OR2L13: variants seen among roughly 807,000 people sequenced by gnomAD.
OR2L13 encodes olfactory receptor family 2 subfamily L member 13, also known as olfactory receptor 2L13.
Under a neutral mutation model 15.3 loss-of-function variants are expected in OR2L13, and 14 were observed. The ratio of observed to expected loss-of-function variants is 0.91; its 90% CI spans 0.60 to 1.43. The LOEUF is 1.43. OR2L13 is among the 40% of genes most tolerant of loss of function. The probability of loss-of-function intolerance (pLI) is 0.00; values close to 1 mark genes in which losing one functional copy is unlikely to be tolerated. For missense variants in OR2L13, 367 were observed against 387.9 expected (o/e 0.95, Z 0.45); for synonymous variants, 152 against 142.9 (o/e 1.06, Z -0.45).
chr1:248,022,849 C>G, the OR2L13 span: 132 of 1,612,252 alleles, frequency 8.2e-5, no homozygotes, highest in Middle Eastern at 5.0e-4. Flanking sequence ...GGGGCCCTGA[C>G]ACGAGTGATT....
At chr1:248,078,759 C>G in the OR2L13 span, among the ~76,000 whole-genome samples, 2 of 151,838 alleles carry the variant, frequency 1.3e-5, no homozygotes, top group Admixed American at 6.6e-5. Flanking sequence ...AACTTTGGTA[C>G]AATTAGACAC....
chr1:248,004,029 T>C, the OR2L13 span: 6 of 1,612,578 alleles, frequency 3.7e-6, no homozygotes, highest in Non-Finnish European at 5.1e-6. Context: ...ATGGGGGCCC[T>C]GACACGAGTG....
At chr1:248,005,731 A>T in the OR2L13 span, among the ~76,000 whole-genome samples, 8 of 152,256 alleles carry the variant, frequency 5.3e-5, no homozygotes, top group Admixed American at 4.6e-4. Flanking sequence ...TGTACAAATC[A>T]TTCTAGTGTT....
At chr1:248,013,704 G>T in the OR2L13 span, 1 of 152,058 alleles carries the variant, frequency 6.6e-6, no homozygotes, top group Non-Finnish European at 1.5e-5. Flanking sequence ...GCCAACAAAG[G>T]CAGTGCGTGT....
At chr1:248,082,556 G>A in the OR2L13 span, among the ~76,000 whole-genome samples, 1 of 152,030 alleles carries the variant, frequency 6.6e-6, no homozygotes, top group African/African-American at 2.4e-5. Context: ...AGGAAATATA[G>A]CCTTTATCAT....
the OR2L13 span, among the ~76,000 whole-genome samples, chr1:247,956,956 C>A: frequency 6.6e-6 from 1 of 152,122 alleles, no homozygotes; most frequent in Non-Finnish European, 1.5e-5. Context: ...TGCCTGATTG[C>A]CCTGGCCAGA....
chr1:247,943,824 ATT>A, the OR2L13 span, among the ~76,000 whole-genome samples: 1 of 152,012 alleles, frequency 6.6e-6, no homozygotes, highest in Non-Finnish European at 1.5e-5. Flanking sequence ...TTTCTCTTAC[ATT>A]TAGATTTTTG....
At chr1:248,011,489 T>C in the OR2L13 span, among the ~76,000 whole-genome samples, 1 of 152,132 alleles carries the variant, frequency 6.6e-6, no homozygotes, top group African/African-American at 2.4e-5. Flanking sequence ...AATTTGAATG[T>C]TGGTCTGTCT....
chr1:248,069,856 C>A, the OR2L13 span, among the ~76,000 whole-genome samples: 217 of 152,098 alleles, frequency 1.4e-3, no homozygotes, highest in Non-Finnish European at 2.4e-3. Flanking sequence ...TTTAAACCAA[C>A]AAAGATCAAA....
chr1:247,948,478 A>C, the OR2L13 span, among the ~76,000 whole-genome samples: 31 of 152,326 alleles, frequency 2.0e-4, no homozygotes, highest in African/African-American at 7.2e-4. Context: ...TGTTGATCTC[A>C]TCAAATGTGA....
the OR2L13 span, among the ~76,000 whole-genome samples, chr1:247,953,235 TG>T: frequency 6.6e-6 from 1 of 152,244 alleles, no homozygotes; most frequent in African/African-American, 2.4e-5. Context: ...CTTGGCTCAC[TG>T]TTCATTGTGC....
chr1:248,064,687 G>C, the OR2L13 span, among the ~76,000 whole-genome samples: 1 of 151,798 alleles, frequency 6.6e-6, no homozygotes, highest in South Asian at 2.1e-4. Flanking sequence ...CACGGCTTTG[G>C]GGAAATCATT....
exon 3 of OR2L13, chr1:248,100,389 T>C (rs1469370424): frequency 2.7e-6 from 2 of 729,542 alleles, no homozygotes; most frequent in Non-Finnish European, 4.4e-6. Flanking sequence ...GGTTGTCCAA[T>C]AGAAATACAA....
the OR2L13 span, among the ~76,000 whole-genome samples, chr1:248,014,377 A>G: frequency 6.6e-6 from 1 of 152,152 alleles, no homozygotes; most frequent in Admixed American, 6.6e-5. Context: ...TAAGGAAACC[A>G]TATGATTAGT....
chr1:247,949,902 A>C, the OR2L13 span: 2 of 797,844 alleles, frequency 2.5e-6, no homozygotes, highest in Non-Finnish European at 3.7e-6. Flanking sequence ...AAAACTAACC[A>C]ACGGAAGAAG....
At chr1:248,100,161 G>A in exon 3 of OR2L13, 6 of 1,614,038 alleles carry the variant, frequency 3.7e-6, no homozygotes, top group Non-Finnish European at 5.1e-6. Context: ...TTCGGCCCAG[G>A]AATCTCCGCT....
the OR2L13 span, among the ~76,000 whole-genome samples, chr1:247,960,412 GTC>G: frequency 6.6e-6 from 1 of 152,186 alleles, no homozygotes; most frequent in African/African-American, 2.4e-5. Flanking sequence ...GAGGCAGTCT[GTC>G]TGTTCTCAGA....
At chr1:248,034,190 C>A in the OR2L13 span, among the ~76,000 whole-genome samples, 1 of 152,260 alleles carries the variant, frequency 6.6e-6, no homozygotes, top group Non-Finnish European at 1.5e-5. Flanking sequence ...ACGTACCATG[C>A]TCATGGATAG....
chr1:248,008,436 C>T, the OR2L13 span, among the ~76,000 whole-genome samples: 1 of 151,894 alleles, frequency 6.6e-6, no homozygotes, highest in East Asian at 1.9e-4. Context: ...GTTTTTTTCT[C>T]ATTAATCTGT....
Sources: allele counts gnomAD v4.1 joint callset (sites outside exome capture counted in the v4.1 genomes callset), GRCh38; gene constraint gnomAD v4.1.1; transcripts MANE v1.5; gene names NCBI Gene and HGNC (gene_info 2026-07-23, HGNC 2026-07-21).